Variants in CDH11 observed in about 807,000 individuals in gnomAD.
CDH11 encodes the protein cadherin 11, also known as cadherin-11.
In CDH11, 11 loss-of-function variants were observed where a neutral mutation model predicts 67.8. The observed-to-expected ratio is 0.16, with a 90% CI of 0.10 to 0.27. CDH11 has a LOEUF of 0.27. Ranked by LOEUF, CDH11 falls within the 10% of genes least tolerant of loss-of-function variation. CDH11 has a pLI of 1.00. For synonymous variants in CDH11, 419 were observed against 400.0 expected, an observed-to-expected ratio of 1.05 and a Z score of -0.57; for missense variants, 847 against 1,031.2, an observed-to-expected ratio of 0.82 and a Z score of 2.45.
chr16:64,977,911 A>G (rs952803196), intron 8 of CDH11, among the ~76,000 whole-genome samples: 5 of 152,224 alleles, frequency 3.3e-5, no homozygotes, highest in Non-Finnish European at 5.9e-5. Context: ...TCCTCAGAAG[A>G]ATCAGTGTTC....
intron 11 of CDH11, among the ~76,000 whole-genome samples, chr16:64,953,335 G>C (rs1330381655): frequency 6.6e-6 from 1 of 151,220 alleles, no homozygotes; most frequent in Non-Finnish European, 1.5e-5. Flanking sequence ...TCTTATTTAG[G>C]GATGGGCAGA....
intron 2 of CDH11, among the ~76,000 whole-genome samples, chr16:65,047,679 T>A (rs1368056526): frequency 6.6e-6 from 1 of 152,208 alleles, no homozygotes; most frequent in Non-Finnish European, 1.5e-5. Context: ...CGTCTTTATC[T>A]ATTTTAACCA....
intron 8 of CDH11, among the ~76,000 whole-genome samples, chr16:64,976,888 AACC>A (rs2072188945): frequency 1.3e-5 from 2 of 151,468 alleles, no homozygotes; most frequent in Admixed American, 6.6e-5. Context: ...CCAACCAACC[AACC>A]AACAAAAAAG....
intron 7 of CDH11, chr16:64,985,882 A>C (rs921088266): frequency 6.6e-6 from 1 of 151,452 alleles, no homozygotes; most frequent in Non-Finnish European, 1.5e-5. Flanking sequence ...TCTCGGTTTT[A>C]ATTATTGTAT....
intron 11 of CDH11, among the ~76,000 whole-genome samples, chr16:64,963,815 T>C (rs184612835): frequency 6.6e-6 from 1 of 152,118 alleles, no homozygotes; most frequent in Admixed American, 6.5e-5. Flanking sequence ...ATTAAAGTAT[T>C]GAGAGAAAAA....
At chr16:64,967,754 G>A (rs1381389096) in intron 11 of CDH11, among the ~76,000 whole-genome samples, 2 of 151,568 alleles carry the variant, frequency 1.3e-5, no homozygotes, top group Non-Finnish European at 2.9e-5. Context: ...ACTATTTCTG[G>A]GTAGCCTATT....
chr16:64,952,971 C>T (rs1017265756), intron 11 of CDH11, among the ~76,000 whole-genome samples: 13 of 152,048 alleles, frequency 8.5e-5, no homozygotes, highest in African/African-American at 3.1e-4. Context: ...GTTCAAAGTC[C>T]TTATATACAA....
At chr16:64,973,068 G>A (rs1263144893) in intron 8 of CDH11, 28 bp from the exon 9 acceptor site, 2 of 1,607,914 alleles carry the variant, frequency 1.2e-6, no homozygotes, top group African/African-American at 2.7e-5. Flanking sequence ...GAGGCAATTA[G>A]ACCAAGACAT....
Position 64,974,662 on chromosome 16 carries a change from T to C in CDH11, c.1254-1622A>G, listed in dbSNP as rs145888726. On this transcript the variant is annotated intron_variant, in intron 8 of 12. Coordinates refer to ENST00000268603, the MANE Select transcript of CDH11 (RefSeq NM_001797.4). ...TTGCACAGTGACAAAACCAAAGATATTCATACACCTCCTCAATGTCAGGAG... is the reference window on the plus strand; with the variant it reads ...TTGCACAGTGACAAAACCAAAGATACTCATACACCTCCTCAATGTCAGGAG... Among the ~76,000 whole-genome samples, 341 of 152,166 alleles carry C rather than the reference T, an allele frequency of 2.2e-3. 3 individuals are homozygous for C. Among genetic ancestry groups the C allele is most frequent in the African/African-American group, 7.5e-3 (313 of 41,526 alleles).
At position 65,084,567 on chromosome 16, in the gene CDH11, G is replaced by A. The variant is rs117464442; in HGVS notation, c.-297-30639C>T. The stretch of plus-strand genomic sequence containing the variant: ...AATGCACACACACATTAACAACAAG[G>A]AGGGAATCATATAAGTGAGAATAGT... On this transcript the variant is annotated intron_variant, in intron 1 of 12. Coordinates refer to ENST00000268603, the MANE Select transcript of CDH11 (RefSeq NM_001797.4). 6.5e-3 allele frequency among the ~76,000 whole-genome samples: 984 copies of A among 152,266 alleles called. 5 individuals are homozygous for A. The highest frequency in any genetic ancestry group is 0.019 in the South Asian group (90 of 4,824).
At chr16:64,997,671 T>C (rs1436106984) in intron 4 of CDH11, among the ~76,000 whole-genome samples, 2 of 152,166 alleles carry the variant, frequency 1.3e-5, no homozygotes, top group East Asian at 1.9e-4. Context: ...TTTTGATAAG[T>C]ACTTGACTTT....
intron 1 of CDH11, among the ~76,000 whole-genome samples, chr16:65,062,491 A>G (rs757654833): frequency 2.6e-5 from 4 of 152,248 alleles, no homozygotes. Context: ...CAACTGATTT[A>G]TGATATAATA....
intron 2 of CDH11, among the ~76,000 whole-genome samples, chr16:65,028,256 G>A (rs1372379448): frequency 6.6e-6 from 1 of 152,088 alleles, no homozygotes; most frequent in East Asian, 1.9e-4. Context: ...TTCCACCTAA[G>A]GCACAGCAGG....
chr16:65,066,005 C>T (rs2074306770), intron 1 of CDH11, among the ~76,000 whole-genome samples: 2 of 152,202 alleles, frequency 1.3e-5, no homozygotes, highest in South Asian at 2.1e-4. Flanking sequence ...GATTCACATC[C>T]ATGCAGTCTG....
intron 2 of CDH11, among the ~76,000 whole-genome samples, chr16:65,046,288 G>T (rs373304850): frequency 2.7e-4 from 41 of 152,270 alleles, no homozygotes; most frequent in African/African-American, 9.4e-4. Context: ...TACCACCCTG[G>T]ACCACAGGGC....
At position 65,089,547 on chromosome 16, in the gene CDH11, T is replaced by TA. The variant is rs200157269; in HGVS notation, c.-298+32332dup. ...CCATTCTTCTAAGTCTTGCAGTGCT[T>TA]AAAAAAAAATAAAGGATGTGTAACT... On this transcript the variant is annotated intron_variant, in intron 1 of 12. Coordinates refer to ENST00000268603, the MANE Select transcript of CDH11 (RefSeq NM_001797.4). 5.0e-3 allele frequency among the ~76,000 whole-genome samples: 751 copies of TA among 151,360 alleles called. 6 individuals carry two copies. Among genetic ancestry groups the TA allele is most frequent in the African/African-American group, 0.017 (700 of 41,318 alleles).
chr16:65,094,829 A>C (rs1597186957), intron 1 of CDH11: 1 of 152,256 alleles, frequency 6.6e-6, no homozygotes, highest in East Asian at 1.9e-4. Flanking sequence ...ATCATCTATG[A>C]GGAACAGGCC....
intron 9 of CDH11, 101 bp from the exon 10 acceptor site, chr16:64,972,165 G>A: frequency 1.0e-6 from 1 of 994,212 alleles, no homozygotes; most frequent in East Asian, 2.4e-5. Context: ...ACCTATCTGG[G>A]CAGTGCAGGG....
In CDH11 at chr16:64,945,125, T is replaced by C. The variant is rs2071171816; in HGVS notation, c.*2478A>G. ...AAGCATGTTCCTTCTTTTAGCTGCA[T>C]AGATGGTATAAAACAGTGATTACTT... On this transcript the variant is annotated 3_prime_UTR_variant, in exon 13 of 13. Coordinates refer to ENST00000268603, the MANE Select transcript of CDH11 (RefSeq NM_001797.4). The C allele has an allele frequency of 4.9e-6, 1 of 202,148 alleles. No homozygotes were observed. Among genetic ancestry groups the C allele is most frequent in the African/African-American group, 2.3e-5 (1 of 43,638 alleles). 12.5% of individuals were successfully genotyped at this position (202,148 alleles called of 1,614,324 possible).
Sources: gnomAD v4.1 joint callset for allele counts (sites outside exome capture counted in the v4.1 genomes callset) on GRCh38, gnomAD v4.1.1 for gene constraint, MANE v1.5 for transcripts, NCBI Gene and HGNC (gene_info 2026-07-23, HGNC 2026-07-21) for gene names.